Variants in PDPR observed in about 807,000 individuals in gnomAD.
The protein encoded by PDPR is pyruvate dehydrogenase phosphatase regulatory subunit.
PDPR carries 50 observed loss-of-function variants against 102.2 expected under a neutral mutation model. That is an observed-to-expected ratio of 0.49 (90% CI 0.39 to 0.62). The LOEUF is 0.62. Ranked by LOEUF, PDPR falls within the 20% of genes least tolerant of loss-of-function variation. The pLI, the probability that PDPR is intolerant of heterozygous loss-of-function variation, is 0.00. For missense variants in PDPR, 625 were observed against 1,098.2 expected, an observed-to-expected ratio of 0.57 and a Z score of 6.09; for synonymous variants, 259 against 406.0, an observed-to-expected ratio of 0.64 and a Z score of 4.35.
At chr16:70,125,599 G>C (rs1963881174) in intron 3 of PDPR, among the ~76,000 whole-genome samples, 1 of 147,914 alleles carries the variant, frequency 6.8e-6, no homozygotes, top group South Asian at 2.1e-4. Context: ...ATGTAAAAGA[G>C]TATACAGGAA....
In PDPR at chr16:70,157,342, G is replaced by GGGCAGCTCGTGCCTGCAGCCC. The variant is rs1269166062; in HGVS notation, c.*474_*494dup. 5.0e-5 allele frequency: 19 copies of GGGCAGCTCGTGCCTGCAGCCC among 381,444 alleles called. No homozygotes were observed. The highest frequency in any genetic ancestry group is 9.3e-5 in the Non-Finnish European group (18 of 194,174). The allele number at this position is 381,444 out of a possible 1,614,324, so 23.6% of individuals were successfully genotyped here. On this transcript the variant is annotated 3_prime_UTR_variant, in exon 19 of 19. Coordinates refer to ENST00000288050, the MANE Select transcript of PDPR (RefSeq NM_017990.5). ...GCCGTGTGTCGGATGCAGCCCTGAGGGGCAGCTCGTGCCTGCAGCCCGGCA... is the reference window on the plus strand; with the variant it reads ...GCCGTGTGTCGGATGCAGCCCTGAGGGGCAGCTCGTGCCTGCAGCCCGGCAGCTCGTGCCTGCAGCCCGGCA...
At chr16:70,139,072 G>A (rs200970105) in intron 11 of PDPR, 49 bp downstream of exon 11, 11 of 1,517,836 alleles carry the variant, frequency 7.2e-6, no homozygotes, top group Non-Finnish European at 9.8e-6. Context: ...TATCTTCTCG[G>A]TGGCCCGTGT....
chr16:70,150,811 T>G (rs1210279393), intron 17 of PDPR, among the ~76,000 whole-genome samples: 1 of 152,166 alleles, frequency 6.6e-6, no homozygotes, highest in Non-Finnish European at 1.5e-5. Flanking sequence ...TACCCCGACC[T>G]TATTTATTAC....
chr16:70,121,720 ACT>A (rs1963302116), intron 3 of PDPR, among the ~76,000 whole-genome samples: 3 of 149,900 alleles, frequency 2.0e-5, no homozygotes, highest in Non-Finnish European at 3.0e-5. Context: ...CAGGCCTTTG[ACT>A]CTGATAATTC....
chr16:70,124,227 G>A (rs1205067383), intron 3 of PDPR, among the ~76,000 whole-genome samples: 7 of 152,226 alleles, frequency 4.6e-5, no homozygotes, highest in African/African-American at 1.7e-4. Flanking sequence ...GCTGGGCGTG[G>A]TGGCATAAGC....
At chr16:70,151,383 T>A (rs926485415) in intron 17 of PDPR, among the ~76,000 whole-genome samples, 1 of 152,292 alleles carries the variant, frequency 6.6e-6, no homozygotes, top group Non-Finnish European at 1.5e-5. Context: ...TTTAACTATT[T>A]GAGCCACTGT....
chr16:70,155,778 C>G (rs1967094810), intron 18 of PDPR, among the ~76,000 whole-genome samples: 2 of 147,578 alleles, frequency 1.4e-5, no homozygotes. Flanking sequence ...TGTGCATGGT[C>G]TTGTTGGGAT....
intron 10 of PDPR, among the ~76,000 whole-genome samples, chr16:70,136,775 C>G (rs1965183674): frequency 6.6e-6 from 1 of 152,196 alleles, no homozygotes; most frequent in African/African-American, 2.4e-5. Context: ...GACAGTCTTG[C>G]TCTGTCACCC....
At chr16:70,156,106 G>GT (rs2152122423) in intron 18 of PDPR, among the ~76,000 whole-genome samples, 1 of 152,388 alleles carries the variant, frequency 6.6e-6, no homozygotes, top group African/African-American at 2.4e-5. Context: ...TGTTCAAGGC[G>GT]TGAGCCACCA....
intron 14 of PDPR, among the ~76,000 whole-genome samples, chr16:70,143,978 A>G (rs1362015159): frequency 6.6e-6 from 1 of 151,942 alleles, no homozygotes; most frequent in Non-Finnish European, 1.5e-5. Context: ...TGCAGCCTGG[A>G]CCTCCTGGGC....
At chr16:70,116,332 C>T (rs2152053598) in intron 2 of PDPR, among the ~76,000 whole-genome samples, 2 of 136,868 alleles carry the variant, frequency 1.5e-5, no homozygotes, top group South Asian at 4.5e-4. Context: ...CCACCTTGGC[C>T]TCCCAAAGTG....
At chr16:70,135,138 C>T (rs1332302819) in intron 9 of PDPR, among the ~76,000 whole-genome samples, 1 of 152,194 alleles carries the variant, frequency 6.6e-6, no homozygotes, top group Non-Finnish European at 1.5e-5. Flanking sequence ...CTGGTTTCAT[C>T]TTTTTCTGCT....
At position 70,148,602 on chromosome 16, in the gene PDPR, C is replaced by A. The variant is rs201230406; in HGVS notation, c.2052+49C>A. ...CTTCCCTTCACTTCCCTTCCCTTCC[C>A]TTCCCTTCCCTTCCCACAACCACTG... is the stretch of plus-strand genomic sequence containing the variant. On this transcript the variant is annotated intron_variant, in intron 17 of 18. Coordinates refer to ENST00000288050, the MANE Select transcript of PDPR (RefSeq NM_017990.5). The A allele has an allele frequency of 6.1e-6, 9 of 1,485,950 alleles. No individual in the cohort carries two copies. The African/African-American group carries it at 9.9e-5, about 16-fold the overall frequency. The allele number at this position is 1,485,950 out of a possible 1,614,324, so 92.0% of individuals were successfully genotyped here. A position where few individuals can be genotyped will look rare whatever the true frequency, so the allele number is the denominator to read the frequency against.
intron 2 of PDPR, chr16:70,120,167 G>A (rs1390969169): frequency 7.2e-5 from 20 of 275,984 alleles, no homozygotes; most frequent in African/African-American, 1.1e-4. Flanking sequence ...CACTCGCCGC[G>A]GCCTCCCAAA....
At chr16:70,137,866 T>G (rs1265456598) in intron 10 of PDPR, among the ~76,000 whole-genome samples, 1 of 152,272 alleles carries the variant, frequency 6.6e-6, no homozygotes, top group African/African-American at 2.4e-5. Context: ...TATTTCTTCA[T>G]AGATGAGGCT....
chr16:70,118,551 G>T (rs779371303), intron 2 of PDPR, among the ~76,000 whole-genome samples: 1 of 152,378 alleles, frequency 6.6e-6, no homozygotes, highest in East Asian at 1.9e-4. Context: ...TTTGGCAGCA[G>T]CAGTTCCCCA....
chr16:70,148,741 TTAAC>T (rs1337411242), intron 17 of PDPR, 188 bp downstream of exon 17: 3 of 627,500 alleles, frequency 4.8e-6, no homozygotes, highest in Non-Finnish European at 8.6e-6. Context: ...TTGACCATTT[TTAAC>T]TAAGTTATAT....
At chr16:70,152,553 A>G (rs1480115282) in intron 17 of PDPR, among the ~76,000 whole-genome samples, 1 of 152,262 alleles carries the variant, frequency 6.6e-6, no homozygotes, top group Non-Finnish European at 1.5e-5. Flanking sequence ...TCTTGATCAT[A>G]GTGGTCTGTT....
intron 17 of PDPR, among the ~76,000 whole-genome samples, chr16:70,151,300 C>G (rs1405820520): frequency 6.6e-6 from 1 of 152,240 alleles, no homozygotes; most frequent in African/African-American, 2.4e-5. Flanking sequence ...TAACTCCAGC[C>G]TCAAATGATC....
Sources: gnomAD v4.1 joint callset for allele counts (sites outside exome capture counted in the v4.1 genomes callset) on GRCh38, gnomAD v4.1.1 for gene constraint, MANE v1.5 for transcripts, NCBI Gene and HGNC (gene_info 2026-07-23, HGNC 2026-07-21) for gene names.